Variants in ZNF274 observed in about 807,000 individuals in gnomAD.
ZNF274 encodes neurotrophin receptor-interacting factor homolog.
In ZNF274, 23 loss-of-function variants were observed where a neutral mutation model predicts 42.5. The observed-to-expected ratio is 0.54, with a 90% CI of 0.39 to 0.77. The LOEUF (loss-of-function observed/expected upper bound fraction) is 0.77, where lower values mean the gene tolerates loss of function less well. Among genes scored for constraint, ZNF274 ranks in the 30% least tolerant of loss-of-function variants. ZNF274 has a pLI of 0.00. For synonymous variants in ZNF274, 292 were observed against 305.4 expected, an observed-to-expected ratio of 0.96 and a Z score of 0.46; for missense variants, 679 against 806.5, an observed-to-expected ratio of 0.84 and a Z score of 1.91.
At position 58,185,765 on chromosome 19, in the gene ZNF274, A is replaced by ACTGC; in HGVS notation, c.88_91dup (p.Leu31ProfsTer60). 2.7e-6 allele frequency: 4 copies of ACTGC among 1,459,632 alleles called. No homozygotes were observed. Among genetic ancestry groups the ACTGC allele is most frequent in the Non-Finnish European group, 3.6e-6 (4 of 1,098,854 alleles). The allele number at this position is 1,459,632 out of a possible 1,614,324, so 90.4% of individuals were successfully genotyped here. A position where few individuals can be genotyped will look rare whatever the true frequency, so the allele number is the denominator to read the frequency against. On this transcript the variant is annotated frameshift_variant, in exon 3 of 8. Transcript: ENST00000617501. LOFTEE classifies it high-confidence loss of function. Reference sequence around the variant, plus strand: ...TGGGTTTTACCCCGGAAGAGTGGGGACTGCTGGACCTCAAACAGAAGTCCC... The same window carrying ACTGC: ...TGGGTTTTACCCCGGAAGAGTGGGGACTGCCTGCTGGACCTCAAACAGAAGTCCC...
intron 4 of ZNF274, among the ~76,000 whole-genome samples, chr19:58,188,694 G>GTATGTATATATATATATATA (rs1555816898): frequency 4.0e-5 from 3 of 74,654 alleles, no homozygotes; most frequent in African/African-American, 1.6e-4. Flanking sequence ...ATATGTATAT[G>GTATGTATATATATATATATA]TATATATATA....
In ZNF274 at chr19:58,207,215, G is replaced by T; in HGVS notation, c.739+13G>T. The T allele has an allele frequency of 3.7e-6, 6 of 1,601,914 alleles. No homozygotes were observed. The highest frequency in any genetic ancestry group is 5.1e-6 in the Non-Finnish European group (6 of 1,173,428). ...TCTGAGGAGGAAGGTAAGTAGAAGG[G>T]TGGGTAGAGGGACAGCTTAATGAGG... On this transcript the variant is annotated intron_variant, in intron 5 of 7. Coordinates refer to ENST00000617501, the MANE Select transcript of ZNF274 (RefSeq NM_133502.3). The surrounding 1 kb of genome is among the most constrained non-coding windows in gnomAD (Gnocchi z 5.6).
chr19:58,188,620 A>ATATATATATAT (rs1555816812), intron 4 of ZNF274, among the ~76,000 whole-genome samples: 2 of 70,354 alleles, frequency 2.8e-5, no homozygotes, highest in Non-Finnish European at 4.6e-5. Flanking sequence ...AAAAAAAAAA[A>ATATATATATAT]ATATATATAT....
At chr19:58,183,630 C>CT (rs1229420386) in intron 1 of ZNF274, 188 bp downstream of exon 1, 4 of 244,092 alleles carry the variant, frequency 1.6e-5, no homozygotes, top group Non-Finnish European at 3.2e-5. Context: ...GGAGACAGTG[C>CT]TTTCGGGGCG....
chr19:58,206,599 G>A, intron 4 of ZNF274, 121 bp from the exon 5 acceptor site: 2 of 1,141,954 alleles, frequency 1.8e-6, no homozygotes, highest in Non-Finnish European at 2.4e-6. Flanking sequence ...TAACAGCCAT[G>A]CTAGTGGGTT....
At chr19:58,202,722 C>A (rs2075927652) in intron 4 of ZNF274, among the ~76,000 whole-genome samples, 1 of 152,158 alleles carries the variant, frequency 6.6e-6, no homozygotes, top group Non-Finnish European at 1.5e-5. Context: ...AGTGGAGCAG[C>A]TAATTTCCTG....
At chr19:58,186,844 T>C (rs1397312820) in intron 3 of ZNF274, 103 bp from the exon 4 acceptor site, 2 of 937,746 alleles carry the variant, frequency 2.1e-6, no homozygotes, top group Non-Finnish European at 3.3e-6. Context: ...AGAAGTCATG[T>C]GCCTTAGCAG....
intron 4 of ZNF274, among the ~76,000 whole-genome samples, chr19:58,195,219 A>ATG (rs150137275): frequency 0.18 from 26,622 of 144,922 alleles, 3,055 homozygotes; most frequent in East Asian, 0.36. Flanking sequence ...ATACACATAT[A>ATG]TGTGTGTGTA....
intron 4 of ZNF274, among the ~76,000 whole-genome samples, chr19:58,187,299 T>G (rs1020281401): frequency 2.0e-5 from 3 of 152,236 alleles, no homozygotes; most frequent in African/African-American, 7.2e-5. Flanking sequence ...ACGCATTGTC[T>G]ACTGCCCTCC....
chr19:58,212,772 G>A lies in ZNF274; in HGVS notation c.1591G>A (p.Gly531Arg). 6.2e-7 allele frequency: 1 copy of A among 1,613,990 alleles called. No individual in the cohort carries two copies. The highest frequency in any genetic ancestry group is 8.5e-7 in the Non-Finnish European group (1 of 1,179,894). ...YFSVHKKIHTGERPYVCQDCG... is the reference protein window; with the variant it reads ...YFSVHKKIHTRERPYVCQDCG... ...TTCTGTGCATAAGAAAATCCATACC[G>A]GAGAGAGGCCCTATGTGTGTCAAGA... The change falls in exon 8 of 8, where the codon GGA (glycine) becomes AGA (arginine). Residue 531 changes from glycine (G) to arginine (R), a missense_variant. Coordinates refer to ENST00000617501, the MANE Select transcript of ZNF274 (RefSeq NM_133502.3). The surrounding 1 kb of genome is among the most constrained non-coding windows in gnomAD (Gnocchi z 4.6).
intron 4 of ZNF274, among the ~76,000 whole-genome samples, chr19:58,201,020 T>C (rs2075903801): frequency 6.6e-6 from 1 of 151,566 alleles, no homozygotes; most frequent in Non-Finnish European, 1.5e-5. Context: ...TTGTTTTTTT[T>C]TTTGGAGACA....
intron 2 of ZNF274, chr19:58,184,487 G>GT (rs532793465): frequency 0.022 from 3,411 of 155,854 alleles, 49 homozygotes; most frequent in Non-Finnish European, 0.038. Context: ...TTTTGTGTGT[G>GT]TTTTTTGTGG....
chr19:58,183,870 C>G, intron 1 of ZNF274, 51 bp from the exon 2 acceptor site: 1 of 1,300,272 alleles, frequency 7.7e-7, no homozygotes, highest in Non-Finnish European at 1.1e-6. Context: ...CGGTAGCTCC[C>G]CAGCGGACAC....
At chr19:58,194,754 T>C (rs1207049943) in intron 4 of ZNF274, among the ~76,000 whole-genome samples, 3 of 150,728 alleles carry the variant, frequency 2.0e-5, no homozygotes, top group Non-Finnish European at 4.4e-5. Flanking sequence ...ATGTCTATAA[T>C]GCCAGCACTT....
intron 4 of ZNF274, among the ~76,000 whole-genome samples, chr19:58,198,344 T>C (rs2075867804): frequency 6.6e-6 from 1 of 152,222 alleles, no homozygotes; most frequent in African/African-American, 2.4e-5. Flanking sequence ...TCTTTATGTA[T>C]TGATTTGAAA....
chr19:58,194,183 C>T (rs567825490), intron 4 of ZNF274, among the ~76,000 whole-genome samples: 2 of 151,936 alleles, frequency 1.3e-5, no homozygotes, highest in Non-Finnish European at 2.9e-5. Flanking sequence ...CACCACTGCA[C>T]TCCAGCCTTT....
At position 58,212,942 on chromosome 19, in the gene ZNF274, C is replaced by G; in HGVS notation, c.1761C>G (p.Gly587=). The G allele has an allele frequency of 6.2e-7, 1 of 1,613,964 alleles. No homozygotes were observed. The highest frequency in any genetic ancestry group is 1.6e-4 in the Middle Eastern group (1 of 6,062). ...AISQHLRTHT[G]AKPYKCQDCG... ...CCCAGCACCTGAGGACTCACACTGG[C>G]GCTAAGCCCTACAAGTGTCAGGACT... The change falls in exon 8 of 8, where the codon GGC becomes GGG. Residue 587 remains glycine (G), a synonymous_variant. Coordinates refer to ENST00000617501, the MANE Select transcript of ZNF274 (RefSeq NM_133502.3). This position sits in a 1 kb window ranked among gnomAD's most constrained non-coding sequence, Gnocchi z 4.6.
At chr19:58,209,247 C>G (rs1217867992) in intron 5 of ZNF274, 1 of 152,222 alleles carries the variant, frequency 6.6e-6, no homozygotes, top group Non-Finnish European at 1.5e-5. Flanking sequence ...AATCATCTGG[C>G]TATAGGCTGT....
At chr19:58,186,076 C>T (rs774532463) in intron 3 of ZNF274, 109 of 257,032 alleles carry the variant, frequency 4.2e-4, no homozygotes, top group Non-Finnish European at 6.6e-4. Context: ...AACAAGAGTT[C>T]CGGCCAGGCA....
Sources: gnomAD v4.1 joint callset for allele counts (sites outside exome capture counted in the v4.1 genomes callset) on GRCh38, gnomAD v4.1.1 for gene constraint, Gnocchi (gnomAD v3.1) non-coding constraint, MANE v1.5 for transcripts, NCBI Gene and HGNC (gene_info 2026-07-23, HGNC 2026-07-21) for gene names.